Variants in ADGRL2 observed in about 807,000 individuals in gnomAD.
ADGRL2 encodes adhesion G protein-coupled receptor L2, also known as calcium-independent alpha-latrotoxin receptor 2.
Under a neutral mutation model 157.4 loss-of-function variants are expected in ADGRL2, and 44 were observed. The ratio of observed to expected loss-of-function variants is 0.28; its 90% CI spans 0.22 to 0.36. ADGRL2 has a LOEUF of 0.36. ADGRL2 is among the 10% of genes least tolerant of loss of function. The pLI is 1.00. For synonymous variants in ADGRL2, 585 were observed against 624.7 expected (o/e 0.94, Z 0.95); for missense variants, 1,510 against 1,768.9 (o/e 0.85, Z 2.63).
chr1:81,407,762 T>C (rs374345072), intron 1 of ADGRL2, among the ~76,000 whole-genome samples: 1 of 152,070 alleles, frequency 6.6e-6, no homozygotes, highest in Non-Finnish European at 1.5e-5. Flanking sequence ...GAGGACTTGA[T>C]GGTATGCACA....
chr1:81,316,085 A>G (rs1041820054), intron 1 of ADGRL2, among the ~76,000 whole-genome samples: 2 of 151,654 alleles, frequency 1.3e-5, no homozygotes, highest in Non-Finnish European at 2.9e-5. Flanking sequence ...TGTCTACTCT[A>G]TTTGTTGTAT....
chr1:81,343,746 G>A (rs964704147), intron 1 of ADGRL2, among the ~76,000 whole-genome samples: 2 of 152,146 alleles, frequency 1.3e-5, no homozygotes, highest in Non-Finnish European at 1.5e-5. Context: ...GAGAGAGAGA[G>A]AGAAAGAGAG....
At chr1:81,956,096 A>G in intron 11 of ADGRL2, 36 bp downstream of exon 11, 1 of 1,467,212 alleles carries the variant, frequency 6.8e-7, no homozygotes, top group South Asian at 1.3e-5. Flanking sequence ...ATTTTGATTT[A>G]GGATATTCAT....
intron 2 of ADGRL2, among the ~76,000 whole-genome samples, chr1:81,572,461 A>G (rs762875030): frequency 8.5e-5 from 13 of 152,220 alleles, no homozygotes; most frequent in Non-Finnish European, 1.8e-4. Context: ...ACAGAAAAGT[A>G]AACAGGCATG....
chr1:81,608,954 C>T (rs2081487696), intron 3 of ADGRL2, among the ~76,000 whole-genome samples: 1 of 152,118 alleles, frequency 6.6e-6, no homozygotes, highest in Admixed American at 6.5e-5. Context: ...CACCAAAGCC[C>T]TCTGCTCTCT....
intron 2 of ADGRL2, among the ~76,000 whole-genome samples, chr1:81,545,393 T>C (rs1236777049): frequency 6.6e-6 from 1 of 151,914 alleles, no homozygotes. Flanking sequence ...TTCAAGTGAT[T>C]CTCCTGCCTC....
At chr1:81,805,139 A>G (rs961618678) in intron 1 of ADGRL2, among the ~76,000 whole-genome samples, 1 of 152,150 alleles carries the variant, frequency 6.6e-6, no homozygotes, top group East Asian at 1.9e-4. Flanking sequence ...TTTAAAAAAT[A>G]TAGTTTATTT....
intron 1 of ADGRL2, among the ~76,000 whole-genome samples, chr1:81,369,839 A>G (rs1246370406): frequency 2.0e-5 from 3 of 152,220 alleles, no homozygotes; most frequent in Non-Finnish European, 4.4e-5. Context: ...TACATTTGGC[A>G]TTGGAATTAG....
At chr1:81,398,345 G>T (rs556695093) in intron 1 of ADGRL2, among the ~76,000 whole-genome samples, 1 of 152,100 alleles carries the variant, frequency 6.6e-6, no homozygotes, top group East Asian at 1.9e-4. Context: ...CTGTCATTTT[G>T]TTGTTTCCTG....
At chr1:81,349,901 C>A (rs926953374) in intron 1 of ADGRL2, among the ~76,000 whole-genome samples, 1 of 151,964 alleles carries the variant, frequency 6.6e-6, no homozygotes, top group Non-Finnish European at 1.5e-5. Context: ...TTCTACAAAC[C>A]TGCTTTAGAC....
At chr1:81,407,492 A>G (rs2076873841) in intron 1 of ADGRL2, among the ~76,000 whole-genome samples, 1 of 152,238 alleles carries the variant, frequency 6.6e-6, no homozygotes, top group South Asian at 2.1e-4. Context: ...CATTCAGATC[A>G]TGAAAGAAAA....
At chr1:81,673,895 A>G (rs1255220715) in intron 3 of ADGRL2, among the ~76,000 whole-genome samples, 1 of 152,158 alleles carries the variant, frequency 6.6e-6, no homozygotes, top group Non-Finnish European at 1.5e-5. Flanking sequence ...GTTTGAATCA[A>G]ATCATTATAA....
At position 81,356,947 on chromosome 1, in the gene ADGRL2, C is replaced by A. The variant is rs189783264; in HGVS notation, c.-302+50438C>A. ...CAGCCTGGGGGACAAAATGAGACTC[C>A]GTCTCAAAAAAAAAAAAAAAAAAAA... is the stretch of plus-strand genomic sequence containing the variant. On this transcript the variant is annotated intron_variant, in intron 1 of 24. Coordinates refer to the ADGRL2 transcript ENST00000370721. Among the ~76,000 whole-genome samples, 12 of 10,920 alleles carry A rather than the reference C, an allele frequency of 1.1e-3. No homozygotes were observed. In the Admixed American group the frequency reaches 0.017, roughly 15 times the overall value. The allele number at this position is 10,920 out of a possible 152,430, so 7.2% of individuals were successfully genotyped here. A position where few individuals can be genotyped will look rare whatever the true frequency, so the allele number is the denominator to read the frequency against.
At chr1:81,629,129 A>G (rs975820783) in intron 3 of ADGRL2, among the ~76,000 whole-genome samples, 2 of 152,162 alleles carry the variant, frequency 1.3e-5, no homozygotes, top group Non-Finnish European at 2.9e-5. Context: ...AGACCTTGAC[A>G]GTTTAGACAT....
chr1:81,765,829 A>G (rs1315734109), intron 2 of ADGRL2, among the ~76,000 whole-genome samples: 1 of 152,166 alleles, frequency 6.6e-6, no homozygotes, highest in African/African-American at 2.4e-5. Context: ...ATAGTCAGCT[A>G]TAGCCAATAG....
intron 2 of ADGRL2, among the ~76,000 whole-genome samples, chr1:81,490,133 T>C (rs1202281171): frequency 3.4e-5 from 5 of 148,066 alleles, no homozygotes; most frequent in African/African-American, 1.3e-4. Context: ...ACATATTCTT[T>C]TTTTTTTTTT....
At chr1:81,406,769 C>G (rs1296334311) in intron 1 of ADGRL2, among the ~76,000 whole-genome samples, 2 of 152,152 alleles carry the variant, frequency 1.3e-5, no homozygotes, top group African/African-American at 4.8e-5. Context: ...AAGCACAACT[C>G]TGCTCCCCAA....
At chr1:81,746,949 T>G (rs149555800) in intron 1 of ADGRL2, among the ~76,000 whole-genome samples, 84 of 144,102 alleles carry the variant, frequency 5.8e-4, no homozygotes, top group African/African-American at 2.2e-3. Flanking sequence ...TACACATGTA[T>G]GTATATACGT....
intron 1 of ADGRL2, among the ~76,000 whole-genome samples, chr1:81,346,691 G>A (rs1179699583): frequency 6.6e-6 from 1 of 152,126 alleles, no homozygotes; most frequent in Admixed American, 6.5e-5. Flanking sequence ...CAAGATGAGA[G>A]CTTATACTCA....
Sources: allele counts gnomAD v4.1 joint callset (sites outside exome capture counted in the v4.1 genomes callset), GRCh38; gene constraint gnomAD v4.1.1; transcripts MANE v1.5; gene names NCBI Gene and HGNC (gene_info 2026-07-23, HGNC 2026-07-21).